Variants in TMEM120B observed in about 807,000 individuals in gnomAD.
The protein encoded by TMEM120B is transmembrane protein 120B.
In TMEM120B, 31 loss-of-function variants were observed where a neutral mutation model predicts 55.5. The ratio of observed to expected loss-of-function variants is 0.56; its 90% confidence interval spans 0.42 to 0.75. The LOEUF (loss-of-function observed/expected upper bound fraction) is 0.75. Ranked by LOEUF, TMEM120B falls within the 30% of genes least tolerant of loss-of-function variation. The pLI, the probability that TMEM120B is intolerant of heterozygous loss-of-function variation, is 0.00. For synonymous variants in TMEM120B, 203 were observed against 176.3 expected (o/e 1.15, Z -1.20); for missense variants, 399 against 425.5 (o/e 0.94, Z 0.55).
intron 1 of TMEM120B, among the ~76,000 whole-genome samples, chr12:121,731,974 T>C (rs1435596510): frequency 6.6e-6 from 1 of 152,084 alleles, no homozygotes; most frequent in Non-Finnish European, 1.5e-5. Flanking sequence ...CTGTCTCTAT[T>C]AAACATACAA....
intron 1 of TMEM120B, among the ~76,000 whole-genome samples, chr12:121,715,075 T>C (rs1566503362): frequency 6.6e-6 from 1 of 152,106 alleles, no homozygotes; most frequent in Non-Finnish European, 1.5e-5. Flanking sequence ...CGGCGGCTCA[T>C]GCCTGTAATT....
intron 5 of TMEM120B, among the ~76,000 whole-genome samples, chr12:121,760,916 G>A (rs188699642): frequency 3.2e-4 from 48 of 152,282 alleles, no homozygotes; most frequent in African/African-American, 1.2e-3. Context: ...GATGCTTTAA[G>A]GGGGCAGAGG....
At chr12:121,720,393 G>GT (rs2136975971) in intron 1 of TMEM120B, among the ~76,000 whole-genome samples, 1 of 152,216 alleles carries the variant, frequency 6.6e-6, no homozygotes, top group African/African-American at 2.4e-5. Flanking sequence ...TCTATTTGAA[G>GT]TTGATTTCTT....
chr12:121,767,936 A>C (rs1476259912), intron 6 of TMEM120B, among the ~76,000 whole-genome samples: 1 of 152,132 alleles, frequency 6.6e-6, no homozygotes, highest in East Asian at 1.9e-4. Context: ...GAGCTTTGGG[A>C]GCAGGACAAA....
chr12:121,732,623 G>A (rs1414398342), intron 1 of TMEM120B, among the ~76,000 whole-genome samples: 1 of 152,176 alleles, frequency 6.6e-6, no homozygotes, highest in Admixed American at 6.6e-5. Flanking sequence ...GCTGTTATAT[G>A]CTGTGGGTGG....
chr12:121,730,493 A>T (rs1229526355), intron 1 of TMEM120B, among the ~76,000 whole-genome samples: 1 of 139,352 alleles, frequency 7.2e-6, no homozygotes, highest in Non-Finnish European at 1.6e-5. Flanking sequence ...AAAAAAAAAA[A>T]TACAAAAATT....
intron 1 of TMEM120B, among the ~76,000 whole-genome samples, chr12:121,715,602 G>A (rs985084201): frequency 3.3e-5 from 5 of 152,106 alleles, no homozygotes; most frequent in African/African-American, 1.2e-4. Context: ...TTCATGATGG[G>A]GGAACTAGAA....
chr12:121,743,022 G>A (rs1872978362), intron 1 of TMEM120B, among the ~76,000 whole-genome samples: 2 of 152,166 alleles, frequency 1.3e-5, no homozygotes, highest in Non-Finnish European at 2.9e-5. Context: ...GCAAAGTCAA[G>A]AAGTTACTGT....
In TMEM120B at chr12:121,770,070, T is replaced by C. The variant is rs111788169; in HGVS notation, c.552-837T>C. Reference sequence around the variant, plus strand: ...GTCTTGGAGCAGAGAGAGCAGCAAGTCCAAAGGCCCTGGGTGAGCCCGCTG... The same window carrying C: ...GTCTTGGAGCAGAGAGAGCAGCAAGCCCAAAGGCCCTGGGTGAGCCCGCTG... On this transcript the variant is annotated intron_variant, in intron 6 of 11. Coordinates refer to ENST00000449592, the MANE Select transcript of TMEM120B (RefSeq NM_001080825.2). Among the ~76,000 whole-genome samples, 195 of 152,086 alleles carry C rather than the reference T, an allele frequency of 1.3e-3. 1 individual carries two copies. Among genetic ancestry groups the C allele is most frequent in the African/African-American group, 4.1e-3 (171 of 41,470 alleles).
At chr12:121,770,856 C>A (rs747874966) in intron 6 of TMEM120B, 51 bp from the exon 7 acceptor site, 2 of 1,561,630 alleles carry the variant, frequency 1.3e-6, no homozygotes, top group Non-Finnish European at 1.8e-6. Flanking sequence ...GAGACACATG[C>A]CTGCGTTGCT....
In TMEM120B at chr12:121,769,573, G is replaced by A. The variant is rs865889172; in HGVS notation, c.552-1334G>A. Among the ~76,000 whole-genome samples the A allele has an allele frequency of 7.9e-4, 120 of 152,212 alleles. 1 individual carries two copies. Among genetic ancestry groups the A allele is most frequent in the African/African-American group, 7.2e-4 (30 of 41,534 alleles). On this transcript the variant is annotated intron_variant, in intron 6 of 11. Coordinates refer to ENST00000449592, the MANE Select transcript of TMEM120B (RefSeq NM_001080825.2). ...AAAAAATTTAGCTGGGCGTGGTGGC[G>A]CACGCCTGTGATCCCAGCTACTCAG...
At chr12:121,740,434 G>A (rs1872901918) in intron 1 of TMEM120B, among the ~76,000 whole-genome samples, 1 of 151,762 alleles carries the variant, frequency 6.6e-6, no homozygotes. Context: ...GCAGTGATTC[G>A]AGATCATGCC....
intron 7 of TMEM120B, 120 bp downstream of exon 7, chr12:121,771,092 A>G: frequency 9.2e-7 from 1 of 1,082,924 alleles, no homozygotes; most frequent in African/African-American, 1.6e-5. Context: ...AACTTGGGAA[A>G]GAAAGTATGA....
intron 5 of TMEM120B, among the ~76,000 whole-genome samples, chr12:121,755,756 G>A (rs901584368): frequency 6.6e-6 from 1 of 152,230 alleles, no homozygotes; most frequent in Non-Finnish European, 1.5e-5. Flanking sequence ...GCTAGGGAAT[G>A]AGGGGACAGC....
Position 121,779,251 on chromosome 12 carries a change from C to G in TMEM120B, c.*3529C>G, listed in dbSNP as rs1036588367. ...GGGGTGGCTGTGATGAGGGCACTTG[C>G]GAGTCCCGACAACAGACACTGGCTC... On this transcript the variant is annotated 3_prime_UTR_variant, in exon 12 of 12. Transcript: ENST00000449592. 1 of 546,530 alleles carries G rather than the reference C, an allele frequency of 1.8e-6. No individual in the cohort carries two copies. The highest frequency in any genetic ancestry group is 1.9e-5 in the African/African-American group (1 of 53,078). 33.9% of individuals were successfully genotyped at this position (546,530 alleles called of 1,614,324 possible).
At chr12:121,732,972 C>A (rs979354104) in intron 1 of TMEM120B, among the ~76,000 whole-genome samples, 1 of 144,700 alleles carries the variant, frequency 6.9e-6, no homozygotes, top group Non-Finnish European at 1.5e-5. Flanking sequence ...GAGGGAGACT[C>A]TGTCTCAAAA....
chr12:121,739,283 C>T (rs1284614438), intron 1 of TMEM120B, among the ~76,000 whole-genome samples: 2 of 152,036 alleles, frequency 1.3e-5, no homozygotes, highest in Admixed American at 1.3e-4. Context: ...TGAACAGTAC[C>T]AGAAGGCATG....
chr12:121,751,291 C>T (rs1873316271), intron 4 of TMEM120B, among the ~76,000 whole-genome samples: 1 of 117,816 alleles, frequency 8.5e-6, no homozygotes, highest in Non-Finnish European at 1.8e-5. Flanking sequence ...GACACCTATA[C>T]CCACACCCCA....
rs1040558023 is a variant in TMEM120B, at chr12:121,779,454, C to A, written c.*3732C>A. On this transcript the variant is annotated 3_prime_UTR_variant, in exon 12 of 12. Transcript: ENST00000449592. ...TCCCTGGTGCAATCGGCACCTGGGC[C>A]CCCGGGCCCTGTCAGTGCTGTCGTG... 5 of 1,597,308 alleles carry A rather than the reference C, an allele frequency of 3.1e-6. No homozygotes were observed. The highest frequency in any genetic ancestry group is 4.3e-6 in the Non-Finnish European group (5 of 1,174,222).
Sources: allele counts gnomAD v4.1 joint callset (sites outside exome capture counted in the v4.1 genomes callset), GRCh38; gene constraint gnomAD v4.1.1; transcripts MANE v1.5; gene names NCBI Gene and HGNC (gene_info 2026-07-23, HGNC 2026-07-21).